The following SGSM1 variants were observed in gnomAD, a reference collection of about 807,000 sequenced individuals.
The protein encoded by SGSM1 is small G protein signaling modulator 1.
In SGSM1, 73 loss-of-function variants were observed where a neutral mutation model predicts 133.8. The observed-to-expected ratio is 0.55, with a 90% CI of 0.45 to 0.66. The LOEUF (loss-of-function observed/expected upper bound fraction) is 0.66. Ranked by LOEUF, SGSM1 falls within the 30% of genes least tolerant of loss-of-function variation. The probability of loss-of-function intolerance (pLI) is 0.00; values close to 1 mark genes in which losing one functional copy is unlikely to be tolerated. For missense variants in SGSM1, 1,213 were observed against 1,448.1 expected (o/e 0.84, Z 2.64); for synonymous variants, 563 against 573.0 (o/e 0.98, Z 0.25).
At chr22:24,905,311 C>T in intron 21 of SGSM1, 124 bp downstream of exon 21, 2 of 879,200 alleles carry the variant, frequency 2.3e-6, no homozygotes, top group South Asian at 1.4e-5. Context: ...GAAGGCCTGT[C>T]TGGTGAACAC....
intron 2 of SGSM1, among the ~76,000 whole-genome samples, chr22:24,809,446 A>G (rs1015575811): frequency 2.6e-5 from 4 of 152,212 alleles, no homozygotes; most frequent in Non-Finnish European, 4.4e-5. Context: ...GTGCCTTAAC[A>G]ATCGACATCT....
At chr22:24,913,464 T>C (rs771359412) in intron 22 of SGSM1, among the ~76,000 whole-genome samples, 15 of 152,138 alleles carry the variant, frequency 9.9e-5, no homozygotes, top group Non-Finnish European at 1.8e-4. Context: ...GCTAGCTCTT[T>C]GGCATTCATA....
In SGSM1 at chr22:24,886,651, C is replaced by T. The variant is rs1010256572; in HGVS notation, c.1693C>T (p.Pro565Ser). 6.4e-7 allele frequency: 1 copy of T among 1,559,370 alleles called. No homozygotes were observed. The highest frequency in any genetic ancestry group is 8.7e-7 in the Non-Finnish European group (1 of 1,151,806). ...CCTCATCTACTACGGGGGCATCCAG[C>T]CTGAGATCCGCAAGGCCGTGTGGCC... ...LRLIYYGGIQ[P>S]EIRKAVWPFL... Residue 565 changes from proline (P) to serine (S), a missense_variant, in exon 16 of 25, where the codon CCT (proline) becomes TCT (serine). Pro to Ser is a moderately conservative substitution (Grantham distance 74, BLOSUM62 -1). Transcript: ENST00000400358.
At chr22:24,882,207 CAGGCCGGTGCCAGTAT>C (rs1265106631) in intron 14 of SGSM1, among the ~76,000 whole-genome samples, 3 of 152,114 alleles carry the variant, frequency 2.0e-5, no homozygotes, top group African/African-American at 7.2e-5. Flanking sequence ...GCTGGAACTA[CAGGCCGGTGCCAGTAT>C]GCCTGGCTAG....
chr22:24,867,273 G>A (rs5996780), intron 10 of SGSM1, 113 bp downstream of exon 10: 118,098 of 992,894 alleles, frequency 0.12, 7,901 homozygotes, highest in South Asian at 0.23. Flanking sequence ...GACACCCCAT[G>A]TTACCTGTGC....
chr22:24,887,072 C>T (rs927047145), intron 16 of SGSM1, among the ~76,000 whole-genome samples: 3 of 150,784 alleles, frequency 2.0e-5, no homozygotes, highest in African/African-American at 7.3e-5. Flanking sequence ...ATATACTCAT[C>T]TTAATCAGAC....
At chr22:24,885,923 G>A (rs1433529882) in intron 15 of SGSM1, among the ~76,000 whole-genome samples, 1 of 152,182 alleles carries the variant, frequency 6.6e-6, no homozygotes, top group Non-Finnish European at 1.5e-5. Context: ...TGAGGGCTAG[G>A]TCCAAGAAGC....
At chr22:24,893,949 T>A (rs891420488) in intron 17 of SGSM1, among the ~76,000 whole-genome samples, 15 of 152,234 alleles carry the variant, frequency 9.9e-5, no homozygotes, top group Non-Finnish European at 1.6e-4. Flanking sequence ...TGCCTGACTT[T>A]CATTGATTCA....
rs372106147 is a variant in SGSM1 at position 24,850,435 on chromosome 22, G to A, written c.455+3G>A. On this transcript the variant is annotated splice_donor_region_variant and intron_variant, in intron 5 of 24. Transcript: ENST00000400358. ...CATTACCTTGTGGAAAACAGCAGGTGAGAGGGAAAGACCTGACACCTGGCC... is the reference window on the plus strand; with the variant it reads ...CATTACCTTGTGGAAAACAGCAGGTAAGAGGGAAAGACCTGACACCTGGCC... The A allele has an allele frequency of 9.3e-6, 15 of 1,613,740 alleles. No individual in the cohort carries two copies. The highest frequency in any genetic ancestry group is 1.3e-5 in the Non-Finnish European group (15 of 1,179,830).
chr22:24,901,783 G>A (rs753037824), intron 19 of SGSM1, 50 bp from the exon 20 acceptor site: 1 of 1,596,044 alleles, frequency 6.3e-7, no homozygotes, highest in Admixed American at 1.7e-5. Flanking sequence ...TGGGGACTTA[G>A]ATGTGATTTT....
chr22:24,874,164 G>A (rs563323238), intron 12 of SGSM1, among the ~76,000 whole-genome samples: 103 of 152,300 alleles, frequency 6.8e-4, no homozygotes, highest in South Asian at 1.7e-3. Flanking sequence ...TCACAGGGTC[G>A]TGAAGAACAA....
At chr22:24,897,918 G>C (rs1396236046) in intron 18 of SGSM1, 54 bp from the exon 19 acceptor site, 2 of 1,474,164 alleles carry the variant, frequency 1.4e-6, no homozygotes, top group African/African-American at 2.8e-5. Flanking sequence ...GCTGATGTAA[G>C]TAATGCTGCA....
chr22:24,806,252 C>A lies in SGSM1; in HGVS notation c.-74C>A. ...CGCCCCGCCGCGGCTGCAGCAGCAG[C>A]GCCGCGGCCGGAGGAGCTACCGCCG... On this transcript the variant is annotated 5_prime_UTR_variant, in exon 1 of 25. Coordinates refer to ENST00000400358, the MANE Select transcript of SGSM1 (RefSeq NM_001098497.3). 7.4e-7 allele frequency: 1 copy of A among 1,342,444 alleles called. No homozygotes were observed. Among genetic ancestry groups the A allele is most frequent in the Non-Finnish European group, 9.5e-7 (1 of 1,053,450 alleles). 83.2% of individuals were successfully genotyped at this position (1,342,444 alleles called of 1,614,324 possible).
intron 16 of SGSM1, among the ~76,000 whole-genome samples, chr22:24,890,913 TAA>T (rs112151005): frequency 3.9e-5 from 6 of 152,244 alleles, no homozygotes; most frequent in African/African-American, 1.4e-4. Flanking sequence ...ACATTTGATT[TAA>T]ATTGACTCGC....
At chr22:24,813,179 A>C (rs1927849954) in intron 2 of SGSM1, among the ~76,000 whole-genome samples, 1 of 152,208 alleles carries the variant, frequency 6.6e-6, no homozygotes, top group Non-Finnish European at 1.5e-5. Flanking sequence ...GGAACAGACC[A>C]GCTGGGAGGC....
At chr22:24,851,094 C>G (rs1367903014) in intron 5 of SGSM1, among the ~76,000 whole-genome samples, 2 of 126,448 alleles carry the variant, frequency 1.6e-5, no homozygotes, top group African/African-American at 6.7e-5. Flanking sequence ...GAGCAAGACT[C>G]CATCTCAAAA....
intron 22 of SGSM1, among the ~76,000 whole-genome samples, chr22:24,915,253 T>TAAAC (rs1555939481): frequency 4.3e-5 from 6 of 139,416 alleles, no homozygotes; most frequent in African/African-American, 1.0e-4. Context: ...AATAAATAAA[T>TAAAC]AAACAAACAG....
intron 19 of SGSM1, among the ~76,000 whole-genome samples, chr22:24,899,948 T>C (rs997500345): frequency 6.6e-6 from 1 of 152,224 alleles, no homozygotes; most frequent in African/African-American, 2.4e-5. Flanking sequence ...CTCTAGTGTT[T>C]AATATATTTT....
chr22:24,908,187 C>T lies in SGSM1; in HGVS notation c.2818+3000C>T, dbSNP rs142890629. Among the ~76,000 whole-genome samples the T allele has an allele frequency of 3.6e-3, 546 of 152,148 alleles. 4 individuals carry two copies. Among genetic ancestry groups the T allele is most frequent in the African/African-American group, 0.013 (528 of 41,502 alleles). On this transcript the variant is annotated intron_variant, in intron 21 of 24. Transcript: ENST00000400358. ...CATATGCAAAAGATTGAAGTTGAACCCTTACCTCACACCACATACAACAAA... is the reference window on the plus strand; with the variant it reads ...CATATGCAAAAGATTGAAGTTGAACTCTTACCTCACACCACATACAACAAA...
Sources: allele counts gnomAD v4.1 joint callset (sites outside exome capture counted in the v4.1 genomes callset), GRCh38; gene constraint gnomAD v4.1.1; transcripts MANE v1.5; gene names NCBI Gene and HGNC (gene_info 2026-07-23, HGNC 2026-07-21).